The following EHMT1 variants were observed in gnomAD, a reference collection of about 807,000 sequenced individuals.
The protein encoded by EHMT1 is histone-lysine N-methyltransferase EHMT1.
A neutral mutation model predicts 147.2 loss-of-function variants in EHMT1; 15 were observed. The ratio of observed to expected loss-of-function variants is 0.10; its 90% CI spans 0.07 to 0.16. The LOEUF (loss-of-function observed/expected upper bound fraction) is 0.16, where lower values mean the gene tolerates loss of function less well. EHMT1 is among the 10% of genes least tolerant of loss of function. The pLI is 1.00. For synonymous variants in EHMT1, 795 were observed against 709.6 expected (o/e 1.12, Z -1.91); for missense variants, 1,587 against 1,772.4 (o/e 0.90, Z 1.88).
intron 25 of EHMT1, chr9:137,832,745 C>T (rs1282173488): frequency 6.6e-6 from 1 of 152,492 alleles, no homozygotes; most frequent in Non-Finnish European, 1.5e-5. Context: ...GCGCTGTGTG[C>T]TCTGCCAGAC....
intron 2 of EHMT1, among the ~76,000 whole-genome samples, chr9:137,715,201 C>G (rs1564624834): frequency 6.6e-6 from 1 of 152,184 alleles, no homozygotes; most frequent in Non-Finnish European, 1.5e-5. Context: ...CCTTTGGTGT[C>G]ACCTGCACTG....
intron 9 of EHMT1, among the ~76,000 whole-genome samples, chr9:137,759,818 G>C (rs1040821443): frequency 6.6e-6 from 1 of 152,214 alleles, no homozygotes; most frequent in African/African-American, 2.4e-5. Context: ...GCTGGATGGC[G>C]TCTGGGGCTC....
At chr9:137,725,185 A>ACGTGGGGCAGGTGTGTGGCCTT (rs948548897) in intron 3 of EHMT1, among the ~76,000 whole-genome samples, 2 of 138,724 alleles carry the variant, frequency 1.4e-5, no homozygotes, top group Admixed American at 1.4e-4. Flanking sequence ...GGCATGTCAG[A>ACGTGGGGCAGGTGTGTGGCCTT]CGTGGGGCAG....
intron 4 of EHMT1, among the ~76,000 whole-genome samples, chr9:137,729,877 C>T (rs1453893870): frequency 2.6e-5 from 4 of 152,190 alleles, no homozygotes; most frequent in Non-Finnish European, 5.9e-5. Flanking sequence ...TATACCGCGA[C>T]GCCGCTCTCT....
At chr9:137,751,669 A>G (rs11792069) in intron 6 of EHMT1, among the ~76,000 whole-genome samples, 18,102 of 152,270 alleles carry the variant, frequency 0.12, 1,461 homozygotes, top group Non-Finnish European at 0.18. Context: ...AGAAAAAATA[A>G]GATGTGTCTG....
At chr9:137,805,316 C>T (rs892265344) in intron 18 of EHMT1, among the ~76,000 whole-genome samples, 6 of 149,832 alleles carry the variant, frequency 4.0e-5, no homozygotes, top group African/African-American at 1.3e-4. Flanking sequence ...GTGAGTCTGT[C>T]GTCCACATGT....
At position 137,762,743 on chromosome 9, in the gene EHMT1, A is replaced by C; in HGVS notation, c.1570A>C (p.Met524Leu). The change falls in exon 10 of 27, where the codon ATG (methionine) becomes CTG (leucine). Residue 524 changes from methionine (M) to leucine (L), a missense_variant. Coordinates refer to ENST00000460843, the MANE Select transcript of EHMT1 (RefSeq NM_024757.5). Reference protein sequence around the residue: ...LQEVPLCSCRMETPKSREITT... With the variant: ...LQEVPLCSCRLETPKSREITT... ...GGAAGTGCCTCTCTGCAGCTGCCGG[A>C]TGGAAACACCGAAGAGTCGAGAGAT... 1 of 1,614,218 alleles carries C rather than the reference A, an allele frequency of 6.2e-7. No homozygotes were observed. The highest frequency in any genetic ancestry group is 8.5e-7 in the Non-Finnish European group (1 of 1,180,042).
intron 1 of EHMT1, among the ~76,000 whole-genome samples, chr9:137,661,844 C>G (rs1375851096): frequency 6.6e-6 from 1 of 151,034 alleles, no homozygotes; most frequent in East Asian, 2.0e-4. Flanking sequence ...CTCTTGTTGC[C>G]CAGGCCGGAG....
chr9:137,733,570 C>T (rs193137117), intron 4 of EHMT1, among the ~76,000 whole-genome samples: 8 of 152,368 alleles, frequency 5.3e-5, no homozygotes, highest in Admixed American at 5.2e-4. Context: ...CTGCCTTCCT[C>T]AGCCCTGTGG....
chr9:137,645,826 G>A (rs1209692798), intron 1 of EHMT1, among the ~76,000 whole-genome samples: 1 of 151,924 alleles, frequency 6.6e-6, no homozygotes, highest in Non-Finnish European at 1.5e-5. Flanking sequence ...TATGTGAAAT[G>A]CACACTAGAT....
intron 18 of EHMT1, among the ~76,000 whole-genome samples, chr9:137,810,766 T>C (rs1954409312): frequency 6.6e-6 from 1 of 152,032 alleles, no homozygotes; most frequent in African/African-American, 2.4e-5. Flanking sequence ...TGGCACGTTC[T>C]CGGCTCACTG....
chr9:137,771,273 C>T (rs1405476009), intron 10 of EHMT1, among the ~76,000 whole-genome samples: 1 of 146,504 alleles, frequency 6.8e-6, no homozygotes, highest in Non-Finnish European at 1.5e-5. Context: ...AATCTCTGCT[C>T]ACTGCAGCCT....
At chr9:137,747,183 A>T (rs2136110493) in intron 6 of EHMT1, 1 of 151,940 alleles carries the variant, frequency 6.6e-6, no homozygotes, top group African/African-American at 2.4e-5. Context: ...TTTGGGACTG[A>T]GTCTGGCGCT....
chr9:137,650,414 C>T (rs569501735), intron 1 of EHMT1, among the ~76,000 whole-genome samples: 1 of 152,130 alleles, frequency 6.6e-6, no homozygotes, highest in Non-Finnish European at 1.5e-5. Flanking sequence ...AGCTGTTGTT[C>T]ATTTTTAAAA....
Position 137,731,359 on chromosome 9 carries a change from TAC to T in EHMT1, c.823+2832_823+2833del, listed in dbSNP as rs1947095809. Among the ~76,000 whole-genome samples the T allele has an allele frequency of 6.6e-6, 1 of 152,190 alleles. No individual in the cohort carries two copies. Among genetic ancestry groups the T allele is most frequent in the South Asian group, 2.1e-4 (1 of 4,826 alleles). ...GGGCTTCCGGAGTGGGCACAGAAGT[TAC>T]AGTTTCTGTGCTAGAACGTGTTAAC... On this transcript the variant is annotated intron_variant, in intron 4 of 26. Coordinates refer to ENST00000460843, the MANE Select transcript of EHMT1 (RefSeq NM_024757.5). The surrounding 1 kb of genome is among the most constrained non-coding windows in gnomAD (Gnocchi z 4.3).
intron 1 of EHMT1, among the ~76,000 whole-genome samples, chr9:137,690,331 A>T (rs1332385759): frequency 6.6e-6 from 1 of 152,064 alleles, no homozygotes; most frequent in South Asian, 2.1e-4. Flanking sequence ...GATCAACTTT[A>T]TGAGCTGTTG....
At position 137,635,547 on chromosome 9, in the gene EHMT1, G is replaced by A. The variant is rs374531959; in HGVS notation, c.21+16498G>A. 1.6e-4 allele frequency among the ~76,000 whole-genome samples: 24 copies of A among 151,704 alleles called. No individual in the cohort carries two copies. The East Asian group carries it at 1.8e-3, about 12-fold the overall frequency. The stretch of plus-strand genomic sequence containing the variant: ...TTCTTTAACATTTTCAGAGCTGGGC[G>A]CGGTGGCTCACGCCTGTAATCCCAG... On this transcript the variant is annotated intron_variant, in intron 1 of 26. Transcript: ENST00000460843.
chr9:137,760,337 TG>T, intron 9 of EHMT1, among the ~76,000 whole-genome samples: 1 of 152,220 alleles, frequency 6.6e-6, no homozygotes, highest in East Asian at 1.9e-4. Context: ...TGTTGGCCAG[TG>T]CTGTGGTAGG....
chr9:137,701,833 G>A (rs951266805), intron 1 of EHMT1, among the ~76,000 whole-genome samples: 17 of 146,384 alleles, frequency 1.2e-4, no homozygotes, highest in East Asian at 4.0e-4. Context: ...TGCTTTTGTC[G>A]CCCAGGCTGG....
Sources: gnomAD v4.1 joint callset for allele counts (sites outside exome capture counted in the v4.1 genomes callset) on GRCh38, gnomAD v4.1.1 for gene constraint, Gnocchi (gnomAD v3.1) non-coding constraint, MANE v1.5 for transcripts, NCBI Gene and HGNC (gene_info 2026-07-23, HGNC 2026-07-21) for gene names.